The following CNTNAP2 variants were observed in gnomAD, a reference collection of about 807,000 sequenced individuals.
CNTNAP2 encodes contactin-associated protein-like 2.
Under a neutral mutation model 155.2 loss-of-function variants are expected in CNTNAP2, and 98 were observed. That is an observed-to-expected ratio of 0.63 (90% CI 0.54 to 0.75). The LOEUF is 0.75. CNTNAP2 is among the 30% of genes least tolerant of loss of function. CNTNAP2 has a pLI of 0.00. For missense variants in CNTNAP2, 1,727 were observed against 1,688.1 expected (o/e 1.02, Z -0.40); for synonymous variants, 651 against 631.2 (o/e 1.03, Z -0.47).
At chr7:148,163,066 T>A (rs1805580899) in intron 17 of CNTNAP2, among the ~76,000 whole-genome samples, 3 of 152,306 alleles carry the variant, frequency 2.0e-5, no homozygotes, top group Admixed American at 1.3e-4. Context: ...TATTAATCAC[T>A]CTATCAGCAT....
intron 1 of CNTNAP2, among the ~76,000 whole-genome samples, chr7:146,687,117 A>C (rs1800614255): frequency 6.6e-6 from 1 of 152,126 alleles, no homozygotes; most frequent in African/African-American, 2.4e-5. Context: ...GAAAATTTTC[A>C]TTTCTCAACG....
intron 1 of CNTNAP2, among the ~76,000 whole-genome samples, chr7:146,731,906 T>A (rs779170954): frequency 2.6e-4 from 40 of 152,044 alleles, no homozygotes; most frequent in Non-Finnish European, 4.9e-4. Flanking sequence ...AATAGTTATT[T>A]GATATTTAGT....
chr7:147,300,358 T>A, intron 9 of CNTNAP2, 68 bp downstream of exon 9: 1 of 1,562,330 alleles, frequency 6.4e-7, no homozygotes, highest in South Asian at 1.1e-5. Flanking sequence ...TGAAGTTTGA[T>A]TATGAAGTAT....
chr7:146,757,948 C>T (rs1802021144), intron 1 of CNTNAP2, among the ~76,000 whole-genome samples: 1 of 152,136 alleles, frequency 6.6e-6, no homozygotes, highest in Non-Finnish European at 1.5e-5. Flanking sequence ...TCTCATGATG[C>T]ATTTTGTTTT....
At chr7:147,848,452 G>A (rs1230272782) in intron 13 of CNTNAP2, among the ~76,000 whole-genome samples, 5 of 150,760 alleles carry the variant, frequency 3.3e-5, no homozygotes, top group African/African-American at 9.7e-5. Flanking sequence ...GCCCTGCTTC[G>A]GCTCGCACAC....
intron 9 of CNTNAP2, among the ~76,000 whole-genome samples, chr7:147,339,781 G>T (rs1339428667): frequency 1.3e-5 from 2 of 152,102 alleles, no homozygotes; most frequent in African/African-American, 4.8e-5. Flanking sequence ...TAGGTCCAAT[G>T]AATGTAATGT....
chr7:146,265,457 C>CTTTTTTTT (rs796634792), intron 1 of CNTNAP2, among the ~76,000 whole-genome samples: 1 of 135,606 alleles, frequency 7.4e-6, no homozygotes, highest in African/African-American at 2.8e-5. Context: ...TTCTTTCTTT[C>CTTTTTTTT]TTTTTTTTTT....
chr7:146,299,865 A>G (rs1800577031), intron 1 of CNTNAP2, among the ~76,000 whole-genome samples: 1 of 152,188 alleles, frequency 6.6e-6, no homozygotes, highest in African/African-American at 2.4e-5. Context: ...TAAGATTATA[A>G]TGGTAGAGAA....
intron 4 of CNTNAP2, among the ~76,000 whole-genome samples, chr7:147,104,278 G>A (rs1239269252): frequency 6.6e-6 from 1 of 151,874 alleles, no homozygotes; most frequent in Non-Finnish European, 1.5e-5. Context: ...TGAAGAAGTT[G>A]GACATTTAAC....
At chr7:147,746,217 A>G (rs1233538899) in intron 13 of CNTNAP2, among the ~76,000 whole-genome samples, 2 of 152,206 alleles carry the variant, frequency 1.3e-5, no homozygotes, top group Non-Finnish European at 2.9e-5. Context: ...AGGATCTGAA[A>G]TTGTTAGAAA....
intron 1 of CNTNAP2, among the ~76,000 whole-genome samples, chr7:146,388,279 C>A (rs371025881): frequency 7.3e-5 from 11 of 151,504 alleles, no homozygotes; most frequent in African/African-American, 2.4e-4. Flanking sequence ...AAAAGAAATG[C>A]AAAAAATTAG....
chr7:148,072,408 G>A (rs959186923), intron 15 of CNTNAP2, among the ~76,000 whole-genome samples: 1 of 147,700 alleles, frequency 6.8e-6, no homozygotes, highest in African/African-American at 2.4e-5. Flanking sequence ...AAGTAGACAA[G>A]GTATGTTTAA....
At chr7:146,777,155 T>C (rs1296905305) in intron 2 of CNTNAP2, among the ~76,000 whole-genome samples, 1 of 152,130 alleles carries the variant, frequency 6.6e-6, no homozygotes, top group African/African-American at 2.4e-5. Flanking sequence ...TACATTAGGG[T>C]GAAATTATCA....
chr7:146,750,431 C>A (rs1386199349), intron 1 of CNTNAP2, among the ~76,000 whole-genome samples: 1 of 152,090 alleles, frequency 6.6e-6, no homozygotes, highest in Non-Finnish European at 1.5e-5. Context: ...GTTTTTCCCA[C>A]CTCCAGGGAA....
chr7:148,164,349 C>A (rs1330457111), intron 17 of CNTNAP2, among the ~76,000 whole-genome samples: 1 of 151,976 alleles, frequency 6.6e-6, no homozygotes, highest in Non-Finnish European at 1.5e-5. Flanking sequence ...TGGGAAGGCC[C>A]AGCCTGCCCA....
chr7:147,203,367 G>T (rs1802958679), intron 8 of CNTNAP2, among the ~76,000 whole-genome samples: 2 of 152,028 alleles, frequency 1.3e-5, no homozygotes, highest in Admixed American at 1.3e-4. Flanking sequence ...CAGTAGCTGG[G>T]ATTACAGGTA....
At chr7:148,118,671 T>C (rs1039097633) in intron 16 of CNTNAP2, among the ~76,000 whole-genome samples, 5 of 152,058 alleles carry the variant, frequency 3.3e-5, no homozygotes, top group African/African-American at 9.7e-5. Context: ...AGGAAAATCA[T>C]GTCAAGGTCA....
chr7:148,086,106 T>C (rs1435958391), intron 15 of CNTNAP2, among the ~76,000 whole-genome samples: 1 of 152,154 alleles, frequency 6.6e-6, no homozygotes, highest in East Asian at 1.9e-4. Flanking sequence ...TCTCAGGAAG[T>C]TTAGTTTGCC....
intron 1 of CNTNAP2, among the ~76,000 whole-genome samples, chr7:146,220,065 G>A (rs1799181531): frequency 6.6e-6 from 1 of 152,052 alleles, no homozygotes; most frequent in South Asian, 2.1e-4. Flanking sequence ...CCCAAAGCTT[G>A]CTGTCAGTGA....
Sources: gnomAD v4.1 joint callset for allele counts (sites outside exome capture counted in the v4.1 genomes callset) on GRCh38, gnomAD v4.1.1 for gene constraint, MANE v1.5 for transcripts, NCBI Gene and HGNC (gene_info 2026-07-23, HGNC 2026-07-21) for gene names.